NTM: variants seen among roughly 807,000 people sequenced by gnomAD.
NTM encodes neurotrimin, also known as IgLON family member 2.
In NTM, 13 loss-of-function variants were observed where a neutral mutation model predicts 42.1. That is an observed-to-expected ratio of 0.31 (90% confidence interval 0.20 to 0.49). The LOEUF is 0.49. NTM is among the 20% of genes least tolerant of loss of function. The probability of loss-of-function intolerance (pLI) is 0.99; values close to 1 mark genes in which losing one functional copy is unlikely to be tolerated. For missense variants in NTM, 373 were observed against 452.8 expected (o/e 0.82, Z 1.60); for synonymous variants, 187 against 179.2 (o/e 1.04, Z -0.35).
chr11:131,907,958 G>C (rs1214817094), intron 1 of NTM, among the ~76,000 whole-genome samples: 1 of 152,184 alleles, frequency 6.6e-6, no homozygotes, highest in African/African-American at 2.4e-5. Flanking sequence ...AATGGATTTT[G>C]TCTTGTTAAT....
In NTM at chr11:131,777,040, G is replaced by C. The variant is rs944975647; in HGVS notation, c.83-134524G>C. The C allele has an allele frequency of 2.9e-5, 24 of 814,102 alleles. No individual in the cohort carries two copies. In the African/African-American group the frequency reaches 3.7e-4, roughly 13 times the overall value. The allele number at this position is 814,102 out of a possible 1,614,324, so 50.4% of individuals were successfully genotyped here. ...TACAAAAGGTTGAATCATGAATTTT[G>C]GGTGGCAGAAAGTTGCTTCTGCCAT... On this transcript the variant is annotated intron_variant, in intron 1 of 8. Transcript: ENST00000683400.
At chr11:131,512,005 A>G (rs544707284) in intron 1 of NTM, among the ~76,000 whole-genome samples, 1 of 152,248 alleles carries the variant, frequency 6.6e-6, no homozygotes, top group African/African-American at 2.4e-5. Flanking sequence ...GTCTAGACAG[A>G]TCGCCACTGA....
At chr11:131,874,002 CATATAAT>C (rs1285292422) in intron 1 of NTM, among the ~76,000 whole-genome samples, 1 of 67,338 alleles carries the variant, frequency 1.5e-5, no homozygotes, top group East Asian at 4.9e-4. Flanking sequence ...ATTATATTTA[CATATAAT>C]ATATTTATAT....
chr11:131,884,729 C>A (rs1592552433), intron 1 of NTM, among the ~76,000 whole-genome samples: 1 of 152,158 alleles, frequency 6.6e-6, no homozygotes, highest in South Asian at 2.1e-4. Flanking sequence ...GGCTCGCCAT[C>A]CTATCTTGAG....
intron 2 of NTM, among the ~76,000 whole-genome samples, chr11:131,912,348 G>T (rs2055313707): frequency 6.6e-6 from 1 of 152,138 alleles, no homozygotes; most frequent in African/African-American, 2.4e-5. Context: ...CTACTGAAGA[G>T]AAACTAGGTT....
chr11:132,176,965 G>C (rs1014932385), intron 3 of NTM, among the ~76,000 whole-genome samples: 9 of 151,968 alleles, frequency 5.9e-5, no homozygotes, highest in African/African-American at 2.2e-4. Flanking sequence ...CTAACCTCAG[G>C]TGATCCACCT....
intron 4 of NTM, among the ~76,000 whole-genome samples, chr11:132,281,448 G>A (rs1420699244): frequency 6.6e-6 from 1 of 152,218 alleles, no homozygotes; most frequent in African/African-American, 2.4e-5. Flanking sequence ...ATACGTATAT[G>A]TTTTTCACAA....
intron 2 of NTM, among the ~76,000 whole-genome samples, chr11:132,127,572 T>C (rs1206056574): frequency 6.6e-6 from 1 of 152,240 alleles, no homozygotes; most frequent in African/African-American, 2.4e-5. Context: ...ATCTGCTGCA[T>C]GTGCTGGTCA....
intron 2 of NTM, among the ~76,000 whole-genome samples, chr11:132,123,896 G>A (rs2065242763): frequency 6.6e-6 from 1 of 152,158 alleles, no homozygotes; most frequent in South Asian, 2.1e-4. Flanking sequence ...TCTCAGGACA[G>A]AAACCACGAG....
chr11:131,974,624 G>A (rs2064044144), intron 2 of NTM, among the ~76,000 whole-genome samples: 1 of 152,184 alleles, frequency 6.6e-6, no homozygotes, highest in African/African-American at 2.4e-5. Flanking sequence ...TCTTGGATCT[G>A]ACTGCCTGGG....
At chr11:131,741,500 C>T (rs966518771) in intron 1 of NTM, among the ~76,000 whole-genome samples, 1 of 152,154 alleles carries the variant, frequency 6.6e-6, no homozygotes, top group Non-Finnish European at 1.5e-5. Flanking sequence ...GATATGCCTT[C>T]TTATTCACTC....
chr11:131,379,035 C>T (rs917941272), intron 1 of NTM, among the ~76,000 whole-genome samples: 1 of 152,194 alleles, frequency 6.6e-6, no homozygotes, highest in Admixed American at 6.5e-5. Context: ...CTAAGAGGCA[C>T]ATTAGAACAG....
chr11:131,892,350 G>A lies in NTM; in HGVS notation c.83-19214G>A, dbSNP rs139317294. 9.8e-5 allele frequency among the ~76,000 whole-genome samples: 15 copies of A among 152,326 alleles called. No homozygotes were observed. The South Asian group carries it at 2.9e-3, about 30-fold the overall frequency. ...GTTATTGTAACCGTGCAAAGAGAGAGAATCTTTCTCATTCTCAAAAGTTTA... is the reference window on the plus strand; with the variant it reads ...GTTATTGTAACCGTGCAAAGAGAGAAAATCTTTCTCATTCTCAAAAGTTTA... On this transcript the variant is annotated intron_variant, in intron 1 of 8. Transcript: ENST00000683400.
intron 1 of NTM, among the ~76,000 whole-genome samples, chr11:131,873,678 CACACATATATAT>C (rs2048127983): frequency 9.0e-6 from 1 of 110,914 alleles, no homozygotes; most frequent in Non-Finnish European, 2.0e-5. Context: ...TATATATATA[CACACATATATAT>C]ACACACATAT....
At chr11:131,860,481 CAG>C (rs1406338518) in intron 1 of NTM, among the ~76,000 whole-genome samples, 1 of 152,220 alleles carries the variant, frequency 6.6e-6, no homozygotes, top group African/African-American at 2.4e-5. Context: ...AGTAGAGACT[CAG>C]AGTCTAAGGT....
intron 1 of NTM, among the ~76,000 whole-genome samples, chr11:131,416,972 C>G (rs1329078090): frequency 1.3e-5 from 2 of 152,154 alleles, no homozygotes; most frequent in Admixed American, 6.5e-5. Context: ...TAGCACGTAA[C>G]CTTGGGGGAG....
chr11:131,495,139 T>C (rs1955200472), intron 1 of NTM, among the ~76,000 whole-genome samples: 1 of 152,166 alleles, frequency 6.6e-6, no homozygotes, highest in Non-Finnish European at 1.5e-5. Flanking sequence ...TCTGAGCTTT[T>C]GGGTCCTGCC....
chr11:131,725,825 G>T (rs2078897624), intron 1 of NTM, among the ~76,000 whole-genome samples: 1 of 152,182 alleles, frequency 6.6e-6, no homozygotes, highest in African/African-American at 2.4e-5. Flanking sequence ...TTGCGTGATG[G>T]CTCTCAAACT....
intron 1 of NTM, among the ~76,000 whole-genome samples, chr11:131,516,045 C>T (rs1460120814): frequency 6.6e-6 from 1 of 152,060 alleles, no homozygotes; most frequent in Non-Finnish European, 1.5e-5. Flanking sequence ...TTATTCATCC[C>T]CTTAATAATG....
Sources: allele counts gnomAD v4.1 joint callset (sites outside exome capture counted in the v4.1 genomes callset), GRCh38; gene constraint gnomAD v4.1.1; transcripts MANE v1.5; gene names NCBI Gene and HGNC (gene_info 2026-07-23, HGNC 2026-07-21).